HP1BP3: variants seen among roughly 807,000 people sequenced by gnomAD.
The protein encoded by HP1BP3 is heterochromatin protein 1 binding protein 3, also known as heterochromatin protein 1-binding protein 3.
Under a neutral mutation model 62.5 loss-of-function variants are expected in HP1BP3, and 12 were observed. The ratio of observed to expected loss-of-function variants is 0.19; its 90% CI spans 0.12 to 0.31. The LOEUF is 0.31. HP1BP3 is among the 10% of genes least tolerant of loss of function. HP1BP3 has a pLI of 1.00. For synonymous variants in HP1BP3, 260 were observed against 237.8 expected (o/e 1.09, Z -0.86); for missense variants, 502 against 651.8 (o/e 0.77, Z 2.50).
At chr1:20,748,540 A>AT (rs762181090) in intron 10 of HP1BP3, among the ~76,000 whole-genome samples, 3 of 152,174 alleles carry the variant, frequency 2.0e-5, no homozygotes, top group Non-Finnish European at 4.4e-5. Context: ...AGGTAAGGAG[A>AT]TTGAGATCAT....
chr1:20,747,438 CTG>C, intron 11 of HP1BP3, 104 bp downstream of exon 11: 1 of 724,460 alleles, frequency 1.4e-6, no homozygotes, highest in South Asian at 1.9e-5. Context: ...CAAAGGACGA[CTG>C]TATTTCCAGT....
rs369226920 is a variant in HP1BP3 at position 20,745,526 on chromosome 1, T to A, written c.1367+17A>T. The A allele has an allele frequency of 6.2e-7, 1 of 1,612,548 alleles. No individual in the cohort carries two copies. Among genetic ancestry groups the A allele is most frequent in the Non-Finnish European group, 8.5e-7 (1 of 1,179,434 alleles). On this transcript the variant is annotated intron_variant, in intron 12 of 12. Transcript: ENST00000438032. ...TATTTAGTGTCCTCCCCACAAGGGG[T>A]TTTCACATGTCCACACCTTCTCTTA...
chr1:20,755,690 G>T (rs1211294969), intron 9 of HP1BP3, among the ~76,000 whole-genome samples: 3 of 152,096 alleles, frequency 2.0e-5, no homozygotes, highest in Non-Finnish European at 4.4e-5. Flanking sequence ...GAACATAAAT[G>T]TTCATAGGCA....
intron 8 of HP1BP3, among the ~76,000 whole-genome samples, chr1:20,762,552 C>T (rs1307551304): frequency 1.3e-5 from 2 of 152,116 alleles, no homozygotes; most frequent in African/African-American, 2.4e-5. Context: ...TGCAGACAAA[C>T]GACAGACAGA....
rs1354816582 is a variant in HP1BP3, at chr1:20,743,166, T to C, written c.*1631A>G. The C allele has an allele frequency of 2.0e-5, 3 of 152,020 alleles. No individual in the cohort carries two copies. In the East Asian group the frequency reaches 5.8e-4, roughly 29 times the overall value. 9.4% of individuals were successfully genotyped at this position (152,020 alleles called of 1,614,324 possible). A position where few individuals can be genotyped will look rare whatever the true frequency, so the allele number is the denominator to read the frequency against. ...CAAAAAGGAAGCCACTTGCTTGATA[T>C]CAAAAGTGCTGTGGAAAGAAAGGAG... is the stretch of plus-strand genomic sequence containing the variant. On this transcript the variant is annotated 3_prime_UTR_variant, in exon 13 of 13. Coordinates refer to ENST00000438032, the MANE Select transcript of HP1BP3 (RefSeq NM_001372052.1).
rs2055053392 is a variant in HP1BP3 at position 20,740,512 on chromosome 1, T to C, written c.*4285A>G. 6.6e-6 allele frequency among the ~76,000 whole-genome samples: 1 copy of C among 152,198 alleles called. No individual in the cohort carries two copies. Among genetic ancestry groups the C allele is most frequent in the South Asian group, 2.1e-4 (1 of 4,830 alleles). ...AAAAAGCCACTGAAGTTAACAGTCT[T>C]GTGGAAAAGAACAGAAGAAAGAATA... On this transcript the variant is annotated 3_prime_UTR_variant, in exon 13 of 13. Coordinates refer to ENST00000438032, the MANE Select transcript of HP1BP3 (RefSeq NM_001372052.1).
rs757209266 is a variant in HP1BP3 at position 20,771,083 on chromosome 1, A to T, written c.511-10T>A. ...TCTTCTGGAAGCATGCCTAGAAAAG[A>T]TTTATTAAACTAGTTGTTTTTTTTT... is the stretch of plus-strand genomic sequence containing the variant. On this transcript the variant is annotated splice_polypyrimidine_tract_variant and intron_variant, in intron 5 of 12. Transcript: ENST00000438032. 6.3e-7 allele frequency: 1 copy of T among 1,588,716 alleles called. No individual in the cohort carries two copies. Among genetic ancestry groups the T allele is most frequent in the South Asian group, 1.2e-5 (1 of 85,256 alleles).
intron 8 of HP1BP3, among the ~76,000 whole-genome samples, chr1:20,760,073 G>C (rs1328402283): frequency 6.6e-6 from 1 of 151,996 alleles, no homozygotes; most frequent in Non-Finnish European, 1.5e-5. Context: ...ATGCTTAGTA[G>C]AGATGGGGTT....
chr1:20,755,307 C>A (rs775847150), intron 9 of HP1BP3: 3 of 443,552 alleles, frequency 6.8e-6, no homozygotes, highest in Non-Finnish European at 1.4e-5. Context: ...GTGGATCACA[C>A]CTGTAATTCC....
At position 20,741,496 on chromosome 1, in the gene HP1BP3, A is replaced by G. The variant is rs892537971; in HGVS notation, c.*3301T>C. Among the ~76,000 whole-genome samples, 1 of 152,242 alleles carries G rather than the reference A, an allele frequency of 6.6e-6. No individual in the cohort carries two copies. The highest frequency in any genetic ancestry group is 1.5e-5 in the Non-Finnish European group (1 of 68,042). ...TTTTCCTGTTAATTATACCCAAAAG[A>G]CATGATTAAAACATACACCTGTTTC... On this transcript the variant is annotated 3_prime_UTR_variant, in exon 13 of 13. Coordinates refer to ENST00000438032, the MANE Select transcript of HP1BP3 (RefSeq NM_001372052.1).
At position 20,757,172 on chromosome 1, in the gene HP1BP3, T is replaced by G. The variant is rs1347226600; in HGVS notation, c.975A>C (p.Thr325=). The change falls in exon 9 of 13, where the codon ACA becomes ACC. Residue 325 remains threonine (T), a synonymous_variant. Coordinates refer to ENST00000438032, the MANE Select transcript of HP1BP3 (RefSeq NM_001372052.1). ...EQITGKGASG[T]FQLKKSGEKP... is the part of the protein sequence containing the mutation. ...CAGGCCTCTGATCTCTAACCTGGAA[T>G]GTCCCCGAAGCACCTTTGCCAGTTA... 1 of 1,608,532 alleles carries G rather than the reference T, an allele frequency of 6.2e-7. No homozygotes were observed. The highest frequency in any genetic ancestry group is 8.5e-7 in the Non-Finnish European group (1 of 1,175,996).
intron 1 of HP1BP3, among the ~76,000 whole-genome samples, chr1:20,783,510 C>G (rs1394089922): frequency 6.6e-6 from 1 of 150,798 alleles, no homozygotes; most frequent in Non-Finnish European, 1.5e-5. Context: ...AAGAGTGAGA[C>G]TCCATCTCAA....
At position 20,755,325 on chromosome 1, in the gene HP1BP3, T is replaced by C. The variant is rs1278504511; in HGVS notation, c.981+1841A>G. Reference sequence around the variant, plus strand: ...GATCACACCTGTAATTCCAACACTTTGGGAAGCTGAGGCAGGCAGACTACT... The same window carrying C: ...GATCACACCTGTAATTCCAACACTTCGGGAAGCTGAGGCAGGCAGACTACT... On this transcript the variant is annotated intron_variant, in intron 9 of 12. Transcript: ENST00000438032. 5.6e-5 allele frequency: 25 copies of C among 448,796 alleles called. 1 individual carries two copies. In the Admixed American group the frequency reaches 5.9e-4, roughly 11 times the overall value. 27.8% of individuals were successfully genotyped at this position (448,796 alleles called of 1,614,324 possible). A position where few individuals can be genotyped will look rare whatever the true frequency, so the allele number is the denominator to read the frequency against.
At chr1:20,774,272 G>C (rs987422256) in intron 4 of HP1BP3, 4 of 152,176 alleles carry the variant, frequency 2.6e-5, no homozygotes, top group African/African-American at 9.7e-5. Context: ...AGGAGGCTGA[G>C]GAGGGAGGAC....
rs2056663778 is a variant in HP1BP3, at chr1:20,764,520, T to C, written c.890+857A>G. On this transcript the variant is annotated intron_variant, in intron 8 of 12. Transcript: ENST00000438032. The stretch of plus-strand genomic sequence containing the variant: ...CACCACAGCCAGCCTAGTTTTTTTT[T>C]TGTTTTTTTTCTTTTAAACCTGGTA... Among the ~76,000 whole-genome samples the C allele has an allele frequency of 2.6e-5, 4 of 152,058 alleles. No individual in the cohort carries two copies. The South Asian group carries it at 6.2e-4, about 24-fold the overall frequency.
intron 8 of HP1BP3, among the ~76,000 whole-genome samples, chr1:20,762,983 GATGGCTTCGTGA>G (rs979554745): frequency 2.6e-5 from 4 of 152,208 alleles, no homozygotes; most frequent in African/African-American, 7.2e-5. Flanking sequence ...GAGTTATAGG[GATGGCTTCGTGA>G]ATGGCTTCGT....
In HP1BP3 at chr1:20,740,420, G is replaced by GAACAGTTAA. The variant is rs2055051185; in HGVS notation, c.*4368_*4376dup. Among the ~76,000 whole-genome samples, 1 of 152,144 alleles carries GAACAGTTAA rather than the reference G, an allele frequency of 6.6e-6. No homozygotes were observed. Among genetic ancestry groups the GAACAGTTAA allele is most frequent in the African/African-American group, 2.4e-5 (1 of 41,418 alleles). On this transcript the variant is annotated 3_prime_UTR_variant, in exon 13 of 13. Transcript: ENST00000438032. ...CCAGTGGTTGACAAGACAGAATTAA[G>GAACAGTTAA]AACAGTTAAAACAGTTAAAAAGCTG...
chr1:20,767,522 G>A (rs2056843941), intron 7 of HP1BP3, 62 bp downstream of exon 7: 2 of 1,049,344 alleles, frequency 1.9e-6, no homozygotes, highest in Admixed American at 3.7e-5. Flanking sequence ...CTCAATGAAT[G>A]TTGCTATTTT....
chr1:20,766,735 G>A (rs1169145608), intron 7 of HP1BP3, among the ~76,000 whole-genome samples: 1 of 151,502 alleles, frequency 6.6e-6, no homozygotes, highest in African/African-American at 2.4e-5. Flanking sequence ...AGGTCAGGAG[G>A]TGGAGGCCAG....
Sources: allele counts gnomAD v4.1 joint callset (sites outside exome capture counted in the v4.1 genomes callset), GRCh38; gene constraint gnomAD v4.1.1; transcripts MANE v1.5; gene names NCBI Gene and HGNC (gene_info 2026-07-23, HGNC 2026-07-21).